Variants in SVIL observed in about 807,000 individuals in gnomAD.
SVIL encodes archvillin.
A neutral mutation model predicts 240.4 loss-of-function variants in SVIL; 101 were observed. That is an observed-to-expected ratio of 0.42 (90% CI 0.36 to 0.50). SVIL has a LOEUF of 0.50. Ranked by LOEUF, SVIL falls within the 20% of genes least tolerant of loss-of-function variation. The probability of loss-of-function intolerance (pLI) is 0.01; values close to 1 mark genes in which losing one functional copy is unlikely to be tolerated. For synonymous variants in SVIL, 999 were observed against 1,100.0 expected, an observed-to-expected ratio of 0.91 and a Z score of 1.82; for missense variants, 2,512 against 2,818.7, an observed-to-expected ratio of 0.89 and a Z score of 2.46.
At chr10:29,582,232 C>G (rs895991026) in intron 1 of SVIL, among the ~76,000 whole-genome samples, 14 of 152,296 alleles carry the variant, frequency 9.2e-5, no homozygotes, top group Admixed American at 9.2e-4. Context: ...GTGTATATTT[C>G]AGTGCAATCT....
At chr10:29,467,617 C>G (rs1190702625) in intron 33 of SVIL, 125 bp downstream of exon 33, 2 of 1,278,636 alleles carry the variant, frequency 1.6e-6, no homozygotes, top group African/African-American at 3.0e-5. Context: ...CACTTGAGCC[C>G]AGGAGGTTGA....
chr10:29,565,378 T>G (rs1486485351), intron 2 of SVIL, among the ~76,000 whole-genome samples: 4 of 152,208 alleles, frequency 2.6e-5, no homozygotes, highest in African/African-American at 9.6e-5. Flanking sequence ...CCATGTGAAG[T>G]GCAGCCTTTT....
chr10:29,518,769 T>C (rs1326386222), intron 16 of SVIL, among the ~76,000 whole-genome samples: 1 of 152,166 alleles, frequency 6.6e-6, no homozygotes, highest in Non-Finnish European at 1.5e-5. Flanking sequence ...GGCAGGAGAA[T>C]CACTTGAACC....
At position 29,486,556 on chromosome 10, in the gene SVIL, G is replaced by A; in HGVS notation, c.4487C>T (p.Ala1496Val). Reference protein sequence around the residue: ...EFANVIEKAKASELATLIQTK... With the variant: ...EFANVIEKAKVSELATLIQTK... ...CTGAATTAAAGTTGCAAGTTCTGAG[G>A]CCTAAAAAAGAGAGGAACACAATTG... is the stretch of plus-strand genomic sequence containing the variant. Residue 1496 changes from alanine (A) to valine (V), a missense_variant and splice_region_variant, in exon 25 of 38, where the codon GCC becomes GTC. Transcript: ENST00000355867. 6.2e-7 allele frequency: 1 copy of A among 1,614,048 alleles called. No individual in the cohort carries two copies. The highest frequency in any genetic ancestry group is 8.5e-7 in the Non-Finnish European group (1 of 1,180,022).
intron 1 of SVIL, among the ~76,000 whole-genome samples, chr10:29,606,351 T>G (rs533436377): frequency 8.4e-4 from 128 of 152,198 alleles, no homozygotes; most frequent in Non-Finnish European, 1.6e-3. Context: ...AGCCAATATT[T>G]TTGATTTTGA....
At chr10:29,688,240 G>A (rs1961241203) in intron 1 of SVIL, among the ~76,000 whole-genome samples, 1 of 152,152 alleles carries the variant, frequency 6.6e-6, no homozygotes, top group Admixed American at 6.5e-5. Context: ...TCGAGGCGGT[G>A]AGGCAGTGAG....
rs1297703918 is a variant in SVIL at position 29,457,725 on chromosome 10, A to G, written c.*522T>C. 3 of 152,646 alleles carry G rather than the reference A, an allele frequency of 2.0e-5. No homozygotes were observed. The highest frequency in any genetic ancestry group is 4.4e-5 in the Non-Finnish European group (3 of 68,046). 9.5% of individuals were successfully genotyped at this position (152,646 alleles called of 1,614,324 possible). On this transcript the variant is annotated 3_prime_UTR_variant, in exon 38 of 38. Transcript: ENST00000355867. ...TTTCCAAACGTGTATGAAGATACAT[A>G]TTGGTGGCAGAGCTAATTCAACAGA...
rs552829942 is a variant in SVIL at position 29,624,203 on chromosome 10, G to T, written c.-201+10217C>A. ...AAAAACCCCTAGCATTTTCCATATG[G>T]TTTTGGGGAGATATTCTAACATTCT... is the stretch of plus-strand genomic sequence containing the variant. On this transcript the variant is annotated intron_variant, in intron 1 of 37. Coordinates refer to ENST00000355867, the MANE Select transcript of SVIL (RefSeq NM_021738.3). Among the ~76,000 whole-genome samples, 81 of 150,632 alleles carry T rather than the reference G, an allele frequency of 5.4e-4. 1 individual carries two copies. Among genetic ancestry groups the T allele is most frequent in the Non-Finnish European group, 4.0e-4 (27 of 67,708 alleles).
At chr10:29,700,539 C>G (rs1962435507) in intron 1 of SVIL, among the ~76,000 whole-genome samples, 2 of 140,418 alleles carry the variant, frequency 1.4e-5, no homozygotes, top group Admixed American at 7.8e-5. Context: ...AGTGCGATCT[C>G]AGCTCACTGC....
intron 5 of SVIL, among the ~76,000 whole-genome samples, chr10:29,554,334 CA>C (rs1953698558): frequency 6.6e-6 from 1 of 151,724 alleles, no homozygotes; most frequent in African/African-American, 2.4e-5. Context: ...TAAAAATAAA[CA>C]AAAAACAAAT....
intron 6 of SVIL, among the ~76,000 whole-genome samples, chr10:29,547,675 G>A (rs1740093461): frequency 6.6e-6 from 1 of 151,754 alleles, no homozygotes; most frequent in African/African-American, 2.4e-5. Context: ...TCTTTACTTG[G>A]GATGCTCAAC....
At chr10:29,476,631 G>A (rs979087256) in intron 29 of SVIL, among the ~76,000 whole-genome samples, 4 of 152,122 alleles carry the variant, frequency 2.6e-5, no homozygotes, top group African/African-American at 9.7e-5. Context: ...TCTGAAACAT[G>A]TGGCCTTAAG....
chr10:29,595,040 C>T (rs1956531794), intron 1 of SVIL, among the ~76,000 whole-genome samples: 1 of 152,232 alleles, frequency 6.6e-6, no homozygotes, highest in South Asian at 2.1e-4. Flanking sequence ...CCTGTTTCCT[C>T]TCCTCGGTTA....
At chr10:29,597,913 A>T (rs1956660078) in intron 1 of SVIL, among the ~76,000 whole-genome samples, 1 of 152,116 alleles carries the variant, frequency 6.6e-6, no homozygotes, top group African/African-American at 2.4e-5. Flanking sequence ...TGACAAAAGA[A>T]TTAAAAGCAG....
chr10:29,471,105 C>T, intron 31 of SVIL, 33 bp downstream of exon 31: 13 of 1,584,594 alleles, frequency 8.2e-6, no homozygotes, highest in Non-Finnish European at 1.1e-5. Context: ...GAGGGAAAGG[C>T]AAAGTCGAAT....
intron 2 of SVIL, among the ~76,000 whole-genome samples, chr10:29,674,052 C>T (rs989197758): frequency 3.3e-5 from 5 of 151,948 alleles, no homozygotes; most frequent in African/African-American, 1.2e-4. Context: ...AAGGTGGGGC[C>T]AAGCACAGTG....
chr10:29,576,944 G>A (rs1256337211), intron 1 of SVIL, among the ~76,000 whole-genome samples: 15 of 152,014 alleles, frequency 9.9e-5, no homozygotes, highest in Admixed American at 9.2e-4. Flanking sequence ...GCAGTGGCGC[G>A]AGCTAGGCTC....
chr10:29,480,481 G>C, intron 29 of SVIL, 56 bp downstream of exon 29: 1 of 1,590,852 alleles, frequency 6.3e-7, no homozygotes, highest in Non-Finnish European at 8.6e-7. Context: ...GCTGGCTCCC[G>C]CAGGGCTGCC....
chr10:29,724,560 T>A (rs533305635), intron 1 of SVIL, among the ~76,000 whole-genome samples: 1 of 152,088 alleles, frequency 6.6e-6, no homozygotes, highest in African/African-American at 2.4e-5. Flanking sequence ...AATTCTGGGG[T>A]CAGAATGAAA....
Sources: gnomAD v4.1 joint callset for allele counts (sites outside exome capture counted in the v4.1 genomes callset) on GRCh38, gnomAD v4.1.1 for gene constraint, MANE v1.5 for transcripts, NCBI Gene and HGNC (gene_info 2026-07-23, HGNC 2026-07-21) for gene names.